SLC14A1: variants seen among roughly 807,000 people sequenced by gnomAD.
SLC14A1 encodes solute carrier family 14 member 1 (Kidd blood group), also known as urea transporter 1.
Under a neutral mutation model 39.6 loss-of-function variants are expected in SLC14A1, and 36 were observed. The observed-to-expected ratio is 0.91, with a 90% confidence interval of 0.70 to 1.20. The LOEUF is 1.20. Ranked by LOEUF, SLC14A1 falls within the 50% of genes most tolerant of loss-of-function variation. The pLI is 0.00. For missense variants in SLC14A1, 469 were observed against 478.7 expected (o/e 0.98, Z 0.19); for synonymous variants, 164 against 173.6 (o/e 0.94, Z 0.43).
intron 1 of SLC14A1, among the ~76,000 whole-genome samples, chr18:45,724,530 G>A (rs190634523): frequency 6.6e-6 from 1 of 152,364 alleles, no homozygotes; most frequent in East Asian, 1.9e-4. Flanking sequence ...GAGCTGATGT[G>A]GAAGAGGGTT....
At chr18:45,746,512 T>C (rs1319597188) in intron 8 of SLC14A1, among the ~76,000 whole-genome samples, 2 of 152,156 alleles carry the variant, frequency 1.3e-5, no homozygotes, top group African/African-American at 2.4e-5. Context: ...AATGGATATT[T>C]TAAAAAGAGA....
intron 8 of SLC14A1, 44 bp downstream of exon 8, chr18:45,739,706 G>A (rs1291582527): frequency 6.2e-7 from 1 of 1,613,524 alleles, no homozygotes. Flanking sequence ...CATGACTACA[G>A]GATCTCAATC....
At chr18:45,746,285 T>A (rs949963394) in intron 8 of SLC14A1, among the ~76,000 whole-genome samples, 3 of 152,186 alleles carry the variant, frequency 2.0e-5, no homozygotes. Context: ...AAGAATGCTG[T>A]CAGGGTCATT....
intron 8 of SLC14A1, among the ~76,000 whole-genome samples, chr18:45,741,893 T>C (rs1269585767): frequency 6.6e-6 from 1 of 152,196 alleles, no homozygotes; most frequent in African/African-American, 2.4e-5. Context: ...AAACCTTTAT[T>C]TGGGATGCAT....
intron 2 of SLC14A1, chr18:45,727,069 C>A: frequency 1.8e-6 from 1 of 550,038 alleles, no homozygotes; most frequent in Admixed American, 3.1e-5. Flanking sequence ...TCTTTCTGCC[C>A]ACTGAGAGCT....
intron 2 of SLC14A1, among the ~76,000 whole-genome samples, chr18:45,725,744 C>T (rs2046847491): frequency 6.6e-6 from 1 of 152,184 alleles, no homozygotes; most frequent in African/African-American, 2.4e-5. Flanking sequence ...GTCTGCCTGC[C>T]ACGTACTGAG....
intron 5 of SLC14A1, among the ~76,000 whole-genome samples, chr18:45,735,330 G>A (rs1385619801): frequency 2.0e-5 from 3 of 152,212 alleles, no homozygotes. Context: ...TCTATCTGGG[G>A]TGGGGCCCGA....
chr18:45,730,150 G>A, intron 2 of SLC14A1, 150 bp from the exon 3 acceptor site: 1 of 760,770 alleles, frequency 1.3e-6, no homozygotes, highest in East Asian at 2.7e-5. Context: ...TGGCTAATAA[G>A]CTCTGTGGTG....
intron 8 of SLC14A1, among the ~76,000 whole-genome samples, chr18:45,745,949 T>C (rs1417894705): frequency 6.6e-6 from 1 of 152,174 alleles, no homozygotes. Flanking sequence ...TTAGCCAACA[T>C]AAATAAGTGA....
intron 8 of SLC14A1, 147 bp from the exon 9 acceptor site, chr18:45,748,229 A>T: frequency 1.2e-6 from 1 of 836,292 alleles, no homozygotes; most frequent in South Asian, 1.4e-5. Context: ...TGGAGCCAGG[A>T]TTTGAACCCA....
chr18:45,730,701 A>G (rs2047004239), intron 3 of SLC14A1, among the ~76,000 whole-genome samples: 1 of 152,122 alleles, frequency 6.6e-6, no homozygotes, highest in Non-Finnish European at 1.5e-5. Context: ...TTCATCCTGT[A>G]GTTTCAGTAC....
chr18:45,752,144 T>C lies in SLC14A1; in HGVS notation c.*2193T>C. ...TGGATATTGCTGTGGAGAAGCTCAA[T>C]TTTCAGTGTTTGAACTGAACCCTTT... On this transcript the variant is annotated 3_prime_UTR_variant, in exon 10 of 10. Transcript: ENST00000321925. 5 of 985,376 alleles carry C rather than the reference T, an allele frequency of 5.1e-6. No homozygotes were observed. In the South Asian group the frequency reaches 2.3e-4, roughly 46 times the overall value. The allele number at this position is 985,376 out of a possible 1,614,324, so 61.0% of individuals were successfully genotyped here.
chr18:45,742,254 T>G (rs1378176641), intron 8 of SLC14A1, among the ~76,000 whole-genome samples: 1 of 151,976 alleles, frequency 6.6e-6, no homozygotes, highest in Non-Finnish European at 1.5e-5. Context: ...GGGGACAGCC[T>G]GAGCATGTCC....
intron 6 of SLC14A1, among the ~76,000 whole-genome samples, chr18:45,737,948 C>G (rs1213483085): frequency 6.6e-6 from 1 of 152,190 alleles, no homozygotes; most frequent in African/African-American, 2.4e-5. Context: ...AACCCCAACC[C>G]TATGGCTACC....
At chr18:45,736,305 T>A in intron 5 of SLC14A1, 151 bp from the exon 6 acceptor site, 1 of 718,734 alleles carries the variant, frequency 1.4e-6, no homozygotes, top group Admixed American at 2.1e-5. Context: ...ATAATAGGAT[T>A]TATCCCAAGT....
At position 45,751,537 on chromosome 18, in the gene SLC14A1, G is replaced by C; in HGVS notation, c.*1586G>C. ...TCACACCTGTAATCCCAGCACTTTG[G>C]GAGATGGAGGTAAAAGGATCTCTTG... On this transcript the variant is annotated 3_prime_UTR_variant, in exon 10 of 10. Coordinates refer to ENST00000321925, the MANE Select transcript of SLC14A1 (RefSeq NM_015865.7). 1.0e-6 allele frequency: 1 copy of C among 983,122 alleles called. No homozygotes were observed. The highest frequency in any genetic ancestry group is 1.2e-6 in the Non-Finnish European group (1 of 828,050). The allele number at this position is 983,122 out of a possible 1,614,324, so 60.9% of individuals were successfully genotyped here. A position where few individuals can be genotyped will look rare whatever the true frequency, so the allele number is the denominator to read the frequency against.
intron 2 of SLC14A1, among the ~76,000 whole-genome samples, chr18:45,728,210 C>T (rs1236378742): frequency 2.6e-5 from 4 of 152,202 alleles, no homozygotes; most frequent in East Asian, 1.9e-4. Flanking sequence ...CTCTCAATCA[C>T]GTCTGGCCAG....
In SLC14A1 at chr18:45,749,886, T is replaced by G. The variant is rs750426976; in HGVS notation, c.1105T>G (p.Tyr369Asp). Residue 369 changes from tyrosine (Y) to aspartate (D), a missense_variant, in exon 10 of 10, where the codon TAT becomes GAT. By Grantham distance (160) the Tyr-to-Asp change is radical. Coordinates refer to ENST00000321925, the MANE Select transcript of SLC14A1 (RefSeq NM_015865.7). Reference protein sequence around the residue: ...IYKMPLSKVTYPEENRIFYLQ... With the variant: ...IYKMPLSKVTDPEENRIFYLQ... ...CAAGATGCCCCTCAGTAAAGTTACTTATCCTGAAGAAAACCGCATCTTCTA... is the reference window on the plus strand; with the variant it reads ...CAAGATGCCCCTCAGTAAAGTTACTGATCCTGAAGAAAACCGCATCTTCTA... 1 of 1,614,180 alleles carries G rather than the reference T, an allele frequency of 6.2e-7. No individual in the cohort carries two copies. The highest frequency in any genetic ancestry group is 1.3e-5 in the African/African-American group (1 of 75,048).
At position 45,751,834 on chromosome 18, in the gene SLC14A1, AT is replaced by A; in HGVS notation, c.*1886del. 1 of 978,980 alleles carries A rather than the reference AT, an allele frequency of 1.0e-6. No individual in the cohort carries two copies. 60.6% of individuals were successfully genotyped at this position (978,980 alleles called of 1,614,324 possible). On this transcript the variant is annotated 3_prime_UTR_variant, in exon 10 of 10. Coordinates refer to ENST00000321925, the MANE Select transcript of SLC14A1 (RefSeq NM_015865.7). ...TTAATTTAAAAAGGAAGTCATGTTC[AT>A]TTACTTTCCACTTCAGTGTGTATCG... is the stretch of plus-strand genomic sequence containing the variant.
Sources: allele counts gnomAD v4.1 joint callset (sites outside exome capture counted in the v4.1 genomes callset), GRCh38; gene constraint gnomAD v4.1.1; transcripts MANE v1.5; gene names NCBI Gene and HGNC (gene_info 2026-07-23, HGNC 2026-07-21).